Variants in TENM3 observed in about 807,000 individuals in gnomAD.
The protein encoded by TENM3 is teneurin-3.
A neutral mutation model predicts 255.1 loss-of-function variants in TENM3; 63 were observed. The ratio of observed to expected loss-of-function variants is 0.25; its 90% CI spans 0.20 to 0.30. The LOEUF (loss-of-function observed/expected upper bound fraction) is 0.30, where lower values mean the gene tolerates loss of function less well. TENM3 is among the 10% of genes least tolerant of loss of function. TENM3 has a pLI of 1.00. For synonymous variants in TENM3, 1,306 were observed against 1,322.3 expected (o/e 0.99, Z 0.27); for missense variants, 2,929 against 3,461.1 (o/e 0.85, Z 3.86).
At chr4:182,764,408 A>G (rs1412883928) in intron 22 of TENM3, among the ~76,000 whole-genome samples, 1 of 152,208 alleles carries the variant, frequency 6.6e-6, no homozygotes, top group African/African-American at 2.4e-5. Flanking sequence ...AAAGACAAGT[A>G]AACAGTGATA....
the TENM3 span, among the ~76,000 whole-genome samples, chr4:181,949,386 T>C: frequency 1.3e-5 from 2 of 152,232 alleles, no homozygotes; most frequent in Non-Finnish European, 2.9e-5. Flanking sequence ...AAAGAACTGC[T>C]GTTGAAGATT....
the TENM3 span, among the ~76,000 whole-genome samples, chr4:181,990,009 T>C: frequency 6.6e-6 from 1 of 152,140 alleles, no homozygotes; most frequent in Non-Finnish European, 1.5e-5. Flanking sequence ...TGTTACCAAA[T>C]TATCTATATT....
rs190964408 is a variant in TENM3, at chr4:182,487,969, A to G, written c.512-112955A>G. Among the ~76,000 whole-genome samples, 362 of 152,322 alleles carry G rather than the reference A, an allele frequency of 2.4e-3. 4 individuals carry two copies. Among genetic ancestry groups the G allele is most frequent in the African/African-American group, 8.5e-3 (352 of 41,584 alleles). On this transcript the variant is annotated intron_variant, in intron 3 of 27. Coordinates refer to ENST00000511685, the MANE Select transcript of TENM3 (RefSeq NM_001080477.4). ...TTAAAATAGGAAGTTATGTATGGCA[A>G]TAATGAGTTTTAAACCAGGTTTGCA... is the stretch of plus-strand genomic sequence containing the variant.
At chr4:182,563,323 G>T (rs747573474) in intron 3 of TENM3, among the ~76,000 whole-genome samples, 4 of 152,104 alleles carry the variant, frequency 2.6e-5, no homozygotes, top group Non-Finnish European at 5.9e-5. Flanking sequence ...CCAGCTACTT[G>T]GGATGCTGAG....
intron 1 of TENM3, among the ~76,000 whole-genome samples, chr4:182,148,752 TATC>T (rs1750130261): frequency 6.6e-6 from 1 of 152,040 alleles, no homozygotes; most frequent in Non-Finnish European, 1.5e-5. Flanking sequence ...TGGTGAACGT[TATC>T]ATCCCCACTG....
At chr4:182,487,839 G>C (rs572830123) in intron 3 of TENM3, among the ~76,000 whole-genome samples, 1 of 152,110 alleles carries the variant, frequency 6.6e-6, no homozygotes, top group Non-Finnish European at 1.5e-5. Flanking sequence ...AACATAGTAC[G>C]TATCTCATAA....
intron 12 of TENM3, among the ~76,000 whole-genome samples, chr4:182,697,014 T>C (rs1355273050): frequency 6.6e-6 from 1 of 152,058 alleles, no homozygotes; most frequent in Non-Finnish European, 1.5e-5. Flanking sequence ...GGAATGAAAA[T>C]AGTAACTACC....
chr4:182,596,661 A>G (rs1385497334), intron 3 of TENM3, among the ~76,000 whole-genome samples: 1 of 152,224 alleles, frequency 6.6e-6, no homozygotes, highest in Admixed American at 6.5e-5. Flanking sequence ...AGAGCAAGGA[A>G]TATGCGAAGA....
chr4:182,669,673 C>G (rs1405985756), intron 6 of TENM3, among the ~76,000 whole-genome samples: 1 of 152,014 alleles, frequency 6.6e-6, no homozygotes, highest in African/African-American at 2.4e-5. Context: ...GGTTCAGTGA[C>G]TTAATATATC....
chr4:181,794,170 A>G, the TENM3 span, among the ~76,000 whole-genome samples: 1 of 148,426 alleles, frequency 6.7e-6, no homozygotes, highest in East Asian at 2.0e-4. Flanking sequence ...TAAAAATTAC[A>G]TATTTTTATG....
the TENM3 span, among the ~76,000 whole-genome samples, chr4:181,605,552 A>AAGAAAG: frequency 3.4e-5 from 1 of 29,466 alleles, no homozygotes; most frequent in African/African-American, 8.1e-5. Context: ...GAAAGAAAGA[A>AAGAAAG]AGAAAGAAAG....
intron 3 of TENM3, 150 bp downstream of exon 3, chr4:182,347,079 T>A: frequency 1.3e-6 from 1 of 747,182 alleles, no homozygotes; most frequent in Non-Finnish European, 2.1e-6. Context: ...TTTAATGTAG[T>A]AGAACTCAAG....
At chr4:182,170,497 C>T (rs1332566692) in intron 1 of TENM3, among the ~76,000 whole-genome samples, 2 of 152,064 alleles carry the variant, frequency 1.3e-5, no homozygotes, top group East Asian at 3.9e-4. Context: ...ATCTGATCTA[C>T]GCCTTTTACT....
chr4:182,554,781 A>C (rs13144500), intron 3 of TENM3, among the ~76,000 whole-genome samples: 18,466 of 152,218 alleles, frequency 0.12, 1,408 homozygotes, highest in East Asian at 0.22. Flanking sequence ...CCATGTCACC[A>C]GAATCAAGAG....
chr4:182,250,311 C>G (rs1286538403), intron 1 of TENM3, among the ~76,000 whole-genome samples: 1 of 144,528 alleles, frequency 6.9e-6, no homozygotes, highest in Admixed American at 6.8e-5. Flanking sequence ...CTTAGCCTCC[C>G]AAAGTGCTGG....
At chr4:182,746,830 GA>G (rs1762043654) in intron 19 of TENM3, among the ~76,000 whole-genome samples, 1 of 152,182 alleles carries the variant, frequency 6.6e-6, no homozygotes, top group Admixed American at 6.5e-5. Context: ...AAGATGTAGA[GA>G]ATGTGTAAGG....
the TENM3 span, among the ~76,000 whole-genome samples, chr4:181,491,486 A>C: frequency 6.6e-6 from 1 of 152,008 alleles, no homozygotes; most frequent in African/African-American, 2.4e-5. Context: ...CTAAGACCAG[A>C]TAATTAGAAA....
intron 3 of TENM3, among the ~76,000 whole-genome samples, chr4:182,440,990 G>T (rs1473186406): frequency 1.3e-5 from 2 of 152,068 alleles, no homozygotes; most frequent in Non-Finnish European, 2.9e-5. Context: ...TCTTAAAATA[G>T]AATTGCCCTC....
At chr4:181,952,086 C>A in the TENM3 span, among the ~76,000 whole-genome samples, 3 of 152,214 alleles carry the variant, frequency 2.0e-5, no homozygotes, top group South Asian at 4.2e-4. Context: ...TGTCATAATG[C>A]CTGTCGTGAA....
Sources: allele counts gnomAD v4.1 joint callset (sites outside exome capture counted in the v4.1 genomes callset), GRCh38; gene constraint gnomAD v4.1.1; transcripts MANE v1.5; gene names NCBI Gene and HGNC (gene_info 2026-07-23, HGNC 2026-07-21).